Variants in AIG1 observed in about 807,000 individuals in gnomAD.
The protein encoded by AIG1 is androgen-induced gene 1 protein.
AIG1 carries 23 observed loss-of-function variants against 31.4 expected under a neutral mutation model. The observed-to-expected ratio is 0.73, with a 90% CI of 0.53 to 1.04. AIG1 has a LOEUF of 1.04. Among genes scored for constraint, AIG1 ranks in the 50% least tolerant of loss-of-function variants. The probability of loss-of-function intolerance (pLI) is 0.00; values close to 1 mark genes in which losing one functional copy is unlikely to be tolerated. For synonymous variants in AIG1, 100 were observed against 110.5 expected, an observed-to-expected ratio of 0.90 and a Z score of 0.60; for missense variants, 274 against 295.0, an observed-to-expected ratio of 0.93 and a Z score of 0.52.
chr6:143,185,223 T>C (rs968515344), intron 3 of AIG1, among the ~76,000 whole-genome samples: 7 of 151,564 alleles, frequency 4.6e-5, no homozygotes, highest in African/African-American at 1.7e-4. Context: ...CAATCTCATA[T>C]ATTTTTCATG....
At chr6:143,171,007 A>G (rs768837538) in intron 3 of AIG1, among the ~76,000 whole-genome samples, 6 of 152,114 alleles carry the variant, frequency 3.9e-5, no homozygotes, top group Non-Finnish European at 8.8e-5. Flanking sequence ...TTTCAGATGA[A>G]TAAGAGATGG....
rs903867409 is a variant in AIG1, at chr6:143,293,062, T to C, written c.515+8837T>C. 1.3e-5 allele frequency among the ~76,000 whole-genome samples: 2 copies of C among 152,140 alleles called. No individual in the cohort carries two copies. The highest frequency in any genetic ancestry group is 4.8e-5 in the African/African-American group (2 of 41,426). ...TTACCACCTTTAAAATGGGAAAGAA[T>C]GCCTGCCTCACAGAGTTGTGAGGAT... On this transcript the variant is annotated intron_variant, in intron 4 of 5. Coordinates refer to ENST00000357847, the MANE Select transcript of AIG1 (RefSeq NM_016108.4). This position sits in a 1 kb window ranked among gnomAD's most constrained non-coding sequence, Gnocchi z 4.8.
At chr6:143,160,471 C>T (rs1305378746) in intron 2 of AIG1, among the ~76,000 whole-genome samples, 1 of 152,136 alleles carries the variant, frequency 6.6e-6, no homozygotes, top group Non-Finnish European at 1.5e-5. Context: ...AGTATTTTAT[C>T]TCAAAGCTTA....
At chr6:143,171,672 TTC>T (rs1358500343) in intron 3 of AIG1, among the ~76,000 whole-genome samples, 8 of 150,844 alleles carry the variant, frequency 5.3e-5, no homozygotes, top group Non-Finnish European at 1.0e-4. Context: ...ATATAACAAC[TTC>T]TTTTCCTCTG....
At chr6:143,067,251 A>G (rs957598728) in intron 1 of AIG1, among the ~76,000 whole-genome samples, 4 of 152,232 alleles carry the variant, frequency 2.6e-5, no homozygotes, top group Non-Finnish European at 5.9e-5. Flanking sequence ...AAAAATTTTT[A>G]TGGTTAATGT....
At chr6:143,316,427 C>A (rs1167874597) in intron 4 of AIG1, among the ~76,000 whole-genome samples, 1 of 152,070 alleles carries the variant, frequency 6.6e-6, no homozygotes, top group African/African-American at 2.4e-5. Flanking sequence ...GGACACCAAT[C>A]CCTTCTAGCT....
Position 143,187,934 on chromosome 6 carries a change from G to A in AIG1, c.399+22751G>A. 9.3e-6 allele frequency: 12 copies of A among 1,289,914 alleles called. No individual in the cohort carries two copies. In the South Asian group the frequency reaches 2.4e-4, roughly 26 times the overall value. The allele number at this position is 1,289,914 out of a possible 1,614,324, so 79.9% of individuals were successfully genotyped here. A position where few individuals can be genotyped will look rare whatever the true frequency, so the allele number is the denominator to read the frequency against. The stretch of plus-strand genomic sequence containing the variant: ...AACATGAATTTTTAACCTCCATAAG[G>A]AATGATACTTGCTCTTGATTTTATT... On this transcript the variant is annotated intron_variant, in intron 3 of 5. Coordinates refer to ENST00000357847, the MANE Select transcript of AIG1 (RefSeq NM_016108.4).
intron 1 of AIG1, among the ~76,000 whole-genome samples, chr6:143,120,638 A>G (rs1212257100): frequency 1.3e-5 from 2 of 152,230 alleles, no homozygotes; most frequent in South Asian, 2.1e-4. Context: ...TCCCTGTCAT[A>G]ACACGCGGGG....
intron 3 of AIG1, among the ~76,000 whole-genome samples, chr6:143,272,683 A>G (rs1273079763): frequency 3.3e-5 from 5 of 152,264 alleles, no homozygotes; most frequent in Non-Finnish European, 7.3e-5. Context: ...CAGAAAGAAG[A>G]TGAACAAAGA....
intron 3 of AIG1, chr6:143,189,725 AC>A (rs1304910429): frequency 2.0e-6 from 2 of 985,176 alleles, no homozygotes; most frequent in East Asian, 1.1e-4. Flanking sequence ...TTCCCTCAAA[AC>A]CCTCATCCCT....
At chr6:143,080,324 T>C (rs1778121157) in intron 1 of AIG1, among the ~76,000 whole-genome samples, 3 of 152,160 alleles carry the variant, frequency 2.0e-5, no homozygotes, top group Admixed American at 6.5e-5. Flanking sequence ...ATCTTAGTCA[T>C]GGACTGCATC....
At chr6:143,315,822 AG>A (rs1341818111) in intron 4 of AIG1, among the ~76,000 whole-genome samples, 1 of 152,234 alleles carries the variant, frequency 6.6e-6, no homozygotes, top group East Asian at 1.9e-4. Flanking sequence ...CCATGAGCAA[AG>A]GTTACATAAT....
chr6:143,246,629 A>G (rs905745500), intron 3 of AIG1, among the ~76,000 whole-genome samples: 1 of 152,244 alleles, frequency 6.6e-6, no homozygotes, highest in East Asian at 1.9e-4. Flanking sequence ...GCATTGAATG[A>G]TAAGTAAATG....
intron 3 of AIG1, among the ~76,000 whole-genome samples, chr6:143,203,918 G>C (rs1159546104): frequency 6.6e-6 from 1 of 152,120 alleles, no homozygotes; most frequent in Non-Finnish European, 1.5e-5. Flanking sequence ...TTGCAGAGTG[G>C]GAAGTGAGAA....
At chr6:143,143,902 A>ACTGTAATTACTCTGTACAG (rs1180263572) in intron 2 of AIG1, among the ~76,000 whole-genome samples, 1 of 152,170 alleles carries the variant, frequency 6.6e-6, no homozygotes, top group Non-Finnish European at 1.5e-5. Context: ...GACTCAGAAA[A>ACTGTAATTACTCTGTACAG]CTGTAATTAC....
chr6:143,163,500 T>C (rs1786612222), intron 2 of AIG1, among the ~76,000 whole-genome samples: 2 of 152,142 alleles, frequency 1.3e-5, no homozygotes, highest in Admixed American at 1.3e-4. Context: ...CTAAACCCTC[T>C]TTTTCCTAAA....
intron 3 of AIG1, among the ~76,000 whole-genome samples, chr6:143,243,082 A>G (rs373395399): frequency 8.9e-4 from 136 of 152,294 alleles, no homozygotes; most frequent in African/African-American, 3.2e-3. Flanking sequence ...TCCTGAGATC[A>G]GGCTAGACGG....
Position 143,079,835 on chromosome 6 carries a change from C to A in AIG1, c.141+18769C>A, listed in dbSNP as rs150565469. On this transcript the variant is annotated intron_variant, in intron 1 of 5. Coordinates refer to ENST00000357847, the MANE Select transcript of AIG1 (RefSeq NM_016108.4). ...AAGATTTAATAGAGTGAAAACAGAG[C>A]TCCTATACAATGGGAGGGGACCCAA... Among the ~76,000 whole-genome samples the A allele has an allele frequency of 2.4e-3, 338 of 140,198 alleles. 3 individuals are homozygous for A. The highest frequency in any genetic ancestry group is 8.4e-3 in the African/African-American group (322 of 38,122). 92.0% of individuals were successfully genotyped at this position (140,198 alleles called of 152,430 possible). A position where few individuals can be genotyped will look rare whatever the true frequency, so the allele number is the denominator to read the frequency against.
At chr6:143,188,194 C>T (rs898949345) in intron 3 of AIG1, 1 of 995,360 alleles carries the variant, frequency 1.0e-6, no homozygotes, top group African/African-American at 1.7e-5. Flanking sequence ...TACTCGTAAG[C>T]TGCCCATCGA....
Sources: gnomAD v4.1 joint callset for allele counts (sites outside exome capture counted in the v4.1 genomes callset) on GRCh38, gnomAD v4.1.1 for gene constraint, Gnocchi (gnomAD v3.1) non-coding constraint, MANE v1.5 for transcripts, NCBI Gene and HGNC (gene_info 2026-07-23, HGNC 2026-07-21) for gene names.